SPECC1L: variants seen among roughly 807,000 people sequenced by gnomAD.
SPECC1L encodes the protein cytospin-A.
In SPECC1L, 40 loss-of-function variants were observed where a neutral mutation model predicts 116.8. That is an observed-to-expected ratio of 0.34 (90% CI 0.27 to 0.45). SPECC1L has a LOEUF of 0.45. Among genes scored for constraint, SPECC1L ranks in the 20% least tolerant of loss-of-function variants. SPECC1L has a pLI of 1.00. For synonymous variants in SPECC1L, 504 were observed against 500.6 expected (o/e 1.01, Z -0.09); for missense variants, 1,110 against 1,373.6 (o/e 0.81, Z 3.03).
chr22:24,399,438 C>T (rs147391071), intron 14 of SPECC1L, among the ~76,000 whole-genome samples: 1,653 of 152,122 alleles, frequency 0.011, 29 homozygotes, highest in African/African-American at 0.037. Context: ...GGCGTGGTGG[C>T]GGGCGCTTGT....
chr22:24,342,645 C>G (rs1213885788), intron 10 of SPECC1L, among the ~76,000 whole-genome samples: 4 of 146,752 alleles, frequency 2.7e-5, no homozygotes, highest in Non-Finnish European at 5.9e-5. Context: ...TGCACTCCAG[C>G]CTGGGCTACA....
chr22:24,416,145 G>A lies in SPECC1L; in HGVS notation c.*1522G>A, dbSNP rs557673122. On this transcript the variant is annotated 3_prime_UTR_variant, in exon 17 of 17. Transcript: ENST00000314328. ...CGATGTTCTAGAATAGGAGTTTAAC[G>A]TGTCTACGTAACCTAGAATGTGGTT... The A allele has an allele frequency of 1.1e-4, 16 of 152,322 alleles. No individual in the cohort carries two copies. The East Asian group carries it at 2.3e-3, about 22-fold the overall frequency. The allele number at this position is 152,322 out of a possible 1,614,324, so 9.4% of individuals were successfully genotyped here.
rs542385849 is a variant in SPECC1L, at chr22:24,313,496, A to C, written c.307+30A>C. ...CGGTGACATTCAGTCTGAGACTTCAACTGCTTTTTTGTTTGAATGGGCATG... is the reference window on the plus strand; with the variant it reads ...CGGTGACATTCAGTCTGAGACTTCACCTGCTTTTTTGTTTGAATGGGCATG... On this transcript the variant is annotated intron_variant, in intron 4 of 16. Coordinates refer to ENST00000314328, the MANE Select transcript of SPECC1L (RefSeq NM_015330.6). 3.7e-6 allele frequency: 6 copies of C among 1,612,760 alleles called. No homozygotes were observed. The African/African-American group carries it at 8.0e-5, about 22-fold the overall frequency.
chr22:24,294,293 T>G (rs2049214149), intron 2 of SPECC1L, among the ~76,000 whole-genome samples: 1 of 143,828 alleles, frequency 7.0e-6, no homozygotes, highest in Non-Finnish European at 1.5e-5. Flanking sequence ...AGTAGGTTCA[T>G]AAAGGATGGG....
intron 14 of SPECC1L, among the ~76,000 whole-genome samples, chr22:24,404,589 C>T (rs1309061482): frequency 2.0e-5 from 3 of 152,114 alleles, no homozygotes; most frequent in Non-Finnish European, 4.4e-5. Context: ...TCTCTGGAGC[C>T]CTACATCTCC....
chr22:24,330,411 G>T lies in SPECC1L; in HGVS notation c.2376G>T (p.Leu792Phe). 2 of 1,614,056 alleles carry T rather than the reference G, an allele frequency of 1.2e-6. No homozygotes were observed. Among genetic ancestry groups the T allele is most frequent in the Non-Finnish European group, 1.7e-6 (2 of 1,180,008 alleles). ...AAAATGAGAAACTCACAAAAGAATT[G>T]GAGGAAATAAAGTCACGCAAGTAAG... The part of the protein sequence containing the change: ...QEKNEKLTKE[L>F]EEIKSRKQEE... Residue 792 changes from leucine (L) to phenylalanine (F), a missense_variant, in exon 8 of 17, where the codon TTG becomes TTT. Coordinates refer to ENST00000314328, the MANE Select transcript of SPECC1L (RefSeq NM_015330.6).
At chr22:24,392,502 G>A (rs1439828849) in intron 14 of SPECC1L, among the ~76,000 whole-genome samples, 2 of 152,164 alleles carry the variant, frequency 1.3e-5, no homozygotes, top group African/African-American at 4.8e-5. Flanking sequence ...TTTCACAAAT[G>A]AGTTTAGCCT....
chr22:24,305,983 G>A (rs1260964492), intron 3 of SPECC1L, among the ~76,000 whole-genome samples: 3 of 151,514 alleles, frequency 2.0e-5, no homozygotes, highest in African/African-American at 2.4e-5. Flanking sequence ...GTGCAATGGC[G>A]CCATCTCCGC....
intron 14 of SPECC1L, among the ~76,000 whole-genome samples, chr22:24,393,697 G>A (rs1018226395): frequency 1.1e-4 from 17 of 151,930 alleles, no homozygotes; most frequent in African/African-American, 3.1e-4. Context: ...AATAAATTGC[G>A]TATAAAGTTT....
At chr22:24,304,734 T>C (rs73396348) in intron 3 of SPECC1L, among the ~76,000 whole-genome samples, 2,876 of 152,368 alleles carry the variant, frequency 0.019, 97 homozygotes, top group African/African-American at 0.065. Flanking sequence ...TAATTGATAT[T>C]TCTCCATGAT....
chr22:24,293,195 C>T (rs1227214652), intron 2 of SPECC1L, among the ~76,000 whole-genome samples: 1 of 152,204 alleles, frequency 6.6e-6, no homozygotes, highest in Non-Finnish European at 1.5e-5. Flanking sequence ...GTGGCTCATG[C>T]CTGTAATCTC....
At chr22:24,402,528 A>T (rs372954903) in intron 14 of SPECC1L, among the ~76,000 whole-genome samples, 1 of 152,250 alleles carries the variant, frequency 6.6e-6, no homozygotes, top group East Asian at 1.9e-4. Flanking sequence ...CTCTTACCTC[A>T]TGAGGCTGGG....
chr22:24,300,191 A>G (rs2049349126), intron 2 of SPECC1L, among the ~76,000 whole-genome samples: 1 of 152,024 alleles, frequency 6.6e-6, no homozygotes, highest in Non-Finnish European at 1.5e-5. Flanking sequence ...GTGTCCTTGT[A>G]TTCTCATTTT....
rs1016008966 is a variant in SPECC1L at position 24,390,872 on chromosome 22, C to CTTT, written c.3088-20692_3088-20690dup. 6.2e-3 allele frequency among the ~76,000 whole-genome samples: 351 copies of CTTT among 57,044 alleles called. 12 individuals are homozygous for CTTT. The highest frequency in any genetic ancestry group is 6.9e-3 in the African/African-American group (91 of 13,200). The allele number at this position is 57,044 out of a possible 152,430, so 37.4% of individuals were successfully genotyped here. A position where few individuals can be genotyped will look rare whatever the true frequency, so the allele number is the denominator to read the frequency against. On this transcript the variant is annotated intron_variant, in intron 14 of 16. Transcript: ENST00000314328. ...TGTTCCTTTTTTTTTTTTTTCTTTT[C>CTTT]TTTTTTTTTTTTTTTTTTTTTTTTT...
intron 10 of SPECC1L, among the ~76,000 whole-genome samples, chr22:24,341,809 C>T (rs899040330): frequency 2.6e-5 from 4 of 152,246 alleles, no homozygotes; most frequent in South Asian, 2.1e-4. Flanking sequence ...GCCACCTACT[C>T]CAGGGAATCC....
At chr22:24,280,775 C>T (rs1016637273) in intron 2 of SPECC1L, among the ~76,000 whole-genome samples, 66 of 152,030 alleles carry the variant, frequency 4.3e-4, no homozygotes, top group African/African-American at 1.5e-3. Flanking sequence ...GGCGGCGTTT[C>T]ACCATGTTGG....
At position 24,322,116 on chromosome 22, in the gene SPECC1L, G is replaced by A. The variant is rs1018962862; in HGVS notation, c.1136G>A (p.Arg379His). The A allele has an allele frequency of 6.8e-6, 11 of 1,613,924 alleles. No individual in the cohort carries two copies. Among genetic ancestry groups the A allele is most frequent in the South Asian group, 2.2e-5 (2 of 91,080 alleles). ...TCGGAAGGCATCCCCAGCATAGAGCGCTCCCGGAAGGGGAGCAGCGGGAAT... is the reference window on the plus strand; with the variant it reads ...TCGGAAGGCATCCCCAGCATAGAGCACTCCCGGAAGGGGAGCAGCGGGAAT... The part of the protein sequence containing the change: ...SESEGIPSIE[R>H]SRKGSSGNAS... The change falls in exon 5 of 17, where the codon CGC becomes CAC. Residue 379 changes from arginine to histidine, a missense_variant. Transcript: ENST00000314328.
Position 24,355,470 on chromosome 22 carries a change from C to T in SPECC1L, c.2744-7791C>T, listed in dbSNP as rs186319719. Among the ~76,000 whole-genome samples the T allele has an allele frequency of 2.4e-3, 364 of 152,082 alleles. 2 individuals carry two copies. The highest frequency in any genetic ancestry group is 4.1e-3 in the Admixed American group (62 of 15,270). On this transcript the variant is annotated intron_variant, in intron 11 of 16. Transcript: ENST00000314328. ...ACCTACCTATCCACCCACCCACCTA[C>T]CTACCTACCTACCTATCTAACTATC...
intron 3 of SPECC1L, among the ~76,000 whole-genome samples, chr22:24,311,440 G>A (rs935720627): frequency 1.3e-5 from 2 of 152,174 alleles, no homozygotes; most frequent in African/African-American, 4.8e-5. Context: ...GCAGGAAAGT[G>A]GTATGACTTT....
Sources: allele counts gnomAD v4.1 joint callset (sites outside exome capture counted in the v4.1 genomes callset), GRCh38; gene constraint gnomAD v4.1.1; transcripts MANE v1.5; gene names NCBI Gene and HGNC (gene_info 2026-07-23, HGNC 2026-07-21).